GLCCI1: variants seen among roughly 807,000 people sequenced by gnomAD.
GLCCI1 encodes the protein glucocorticoid induced 1.
In GLCCI1, 24 loss-of-function variants were observed where a neutral mutation model predicts 52.2. The observed-to-expected ratio is 0.46, with a 90% CI of 0.33 to 0.65. GLCCI1 has a LOEUF of 0.65. Among genes scored for constraint, GLCCI1 ranks in the 30% least tolerant of loss-of-function variants. GLCCI1 has a pLI of 0.02. For missense variants in GLCCI1, 704 were observed against 701.5 expected (o/e 1.00, Z -0.04); for synonymous variants, 310 against 276.5 (o/e 1.12, Z -1.20).
intron 3 of GLCCI1, among the ~76,000 whole-genome samples, chr7:8,049,173 G>A (rs970815982): frequency 6.6e-6 from 1 of 152,004 alleles, no homozygotes; most frequent in Non-Finnish European, 1.5e-5. Flanking sequence ...AATGATTAGG[G>A]ATGTTTCTTG....
At chr7:7,984,202 A>G (rs1488606638) in intron 1 of GLCCI1, among the ~76,000 whole-genome samples, 1 of 152,090 alleles carries the variant, frequency 6.6e-6, no homozygotes, top group Non-Finnish European at 1.5e-5. Flanking sequence ...CCAGGACCAC[A>G]GGCATGTGCC....
At chr7:8,010,421 C>G (rs1020542097) in intron 2 of GLCCI1, among the ~76,000 whole-genome samples, 6 of 152,122 alleles carry the variant, frequency 3.9e-5, no homozygotes, top group African/African-American at 1.4e-4. Context: ...ATCGAATTTC[C>G]ACTTTAGGAA....
intron 6 of GLCCI1, among the ~76,000 whole-genome samples, chr7:8,082,109 A>T (rs915844376): frequency 6.6e-6 from 1 of 152,204 alleles, no homozygotes; most frequent in Non-Finnish European, 1.5e-5. Flanking sequence ...GAATCTCCTG[A>T]GCAGGCATAT....
At chr7:8,011,322 G>C (rs1270028700) in intron 2 of GLCCI1, among the ~76,000 whole-genome samples, 1 of 152,058 alleles carries the variant, frequency 6.6e-6, no homozygotes, top group East Asian at 1.9e-4. Flanking sequence ...CCACACGCCA[G>C]CCTCTGGTAG....
At position 8,064,883 on chromosome 7, in the gene GLCCI1, T is replaced by G. The variant is rs150046958; in HGVS notation, c.966+4635T>G. ...CCACCATGCCCAGCGAATTTTTTGG[T>G]TTTTTTTGTATTTTAGTAGAGACGG... is the stretch of plus-strand genomic sequence containing the variant. On this transcript the variant is annotated intron_variant, in intron 5 of 7. Transcript: ENST00000223145. Among the ~76,000 whole-genome samples the G allele has an allele frequency of 5.3e-3, 798 of 151,704 alleles. 6 individuals carry two copies. The highest frequency in any genetic ancestry group is 9.9e-3 in the Non-Finnish European group (675 of 67,860).
chr7:7,976,575 G>A (rs148809403), intron 1 of GLCCI1, among the ~76,000 whole-genome samples: 29 of 150,874 alleles, frequency 1.9e-4, no homozygotes, highest in African/African-American at 7.1e-4. Flanking sequence ...ACGGTTGTGT[G>A]GCAAGGTCAG....
rs112456422 is a variant in GLCCI1 at position 8,021,079 on chromosome 7, A to G, written c.610-1404A>G. Among the ~76,000 whole-genome samples the G allele has an allele frequency of 2.6e-4, 40 of 152,270 alleles. 1 individual carries two copies. Among genetic ancestry groups the G allele is most frequent in the African/African-American group, 5.8e-4 (24 of 41,576 alleles). ...TACTAGTGAACTGCTCAAGCAGTTTATTTTTGTGTTTATTCAGCTAGCATT... is the reference window on the plus strand; with the variant it reads ...TACTAGTGAACTGCTCAAGCAGTTTGTTTTTGTGTTTATTCAGCTAGCATT... On this transcript the variant is annotated intron_variant, in intron 2 of 7. Coordinates refer to ENST00000223145, the MANE Select transcript of GLCCI1 (RefSeq NM_138426.4).
At chr7:8,037,672 G>A (rs1214346839) in intron 3 of GLCCI1, among the ~76,000 whole-genome samples, 3 of 152,040 alleles carry the variant, frequency 2.0e-5, no homozygotes, top group East Asian at 3.8e-4. Context: ...CTAAAGACAC[G>A]TAAAGACTCA....
intron 3 of GLCCI1, among the ~76,000 whole-genome samples, chr7:8,031,596 C>T (rs1781749987): frequency 1.3e-5 from 2 of 152,014 alleles, no homozygotes; most frequent in African/African-American, 2.4e-5. Flanking sequence ...GGGATAGATA[C>T]CCAGTTTACT....
chr7:8,016,999 A>G (rs1204441564), intron 2 of GLCCI1, among the ~76,000 whole-genome samples: 2 of 152,230 alleles, frequency 1.3e-5, no homozygotes, highest in Non-Finnish European at 2.9e-5. Context: ...TGTGAAATTC[A>G]ATAAACAATT....
In GLCCI1 at chr7:8,022,894, A is replaced by ACT. The variant is rs1350782975; in HGVS notation, c.696+330_696+331dup. Among the ~76,000 whole-genome samples the ACT allele has an allele frequency of 2.6e-5, 4 of 152,044 alleles. No individual in the cohort carries two copies. In the South Asian group the frequency reaches 8.3e-4, roughly 32 times the overall value. On this transcript the variant is annotated intron_variant, in intron 3 of 7. Coordinates refer to ENST00000223145, the MANE Select transcript of GLCCI1 (RefSeq NM_138426.4). ...AGAGTGAAGTCTAATTTTATGTAAT[A>ACT]CTCTCTATCTTGTTCATTTTAGTTA...
At chr7:8,023,585 A>ATTTTTTTTTTTTTTTTT (rs1268659559) in intron 3 of GLCCI1, among the ~76,000 whole-genome samples, 4 of 39,780 alleles carry the variant, frequency 1.0e-4, no homozygotes, top group African/African-American at 2.2e-4. Flanking sequence ...AATCTCTGTT[A>ATTTTTTTTTTTTTTTTT]TTCTTTTTTT....
intron 5 of GLCCI1, 24 bp downstream of exon 5, chr7:8,060,272 AT>A: frequency 6.3e-7 from 1 of 1,585,896 alleles, no homozygotes; most frequent in Non-Finnish European, 8.6e-7. Context: ...GGATATTTGA[AT>A]CCTTTTTTTC....
intron 1 of GLCCI1, among the ~76,000 whole-genome samples, chr7:7,992,107 TTCTC>T (rs60234956): frequency 0.052 from 7,298 of 141,328 alleles, 508 homozygotes; most frequent in African/African-American, 0.15. Context: ...TTCTGTCTGT[TTCTC>T]TCTCTCTCTC....
intron 1 of GLCCI1, among the ~76,000 whole-genome samples, chr7:8,001,630 G>A (rs542835740): frequency 6.6e-4 from 100 of 152,300 alleles, no homozygotes; most frequent in Middle Eastern, 6.8e-3. Context: ...TATAAATCAT[G>A]CTACTATAAA....
At chr7:8,049,670 G>A (rs567756655) in intron 3 of GLCCI1, among the ~76,000 whole-genome samples, 184 of 152,082 alleles carry the variant, frequency 1.2e-3, no homozygotes, top group African/African-American at 4.3e-3. Flanking sequence ...TCAGTTTCAC[G>A]GCTTGTAATA....
At chr7:8,065,672 G>A (rs945058261) in intron 5 of GLCCI1, among the ~76,000 whole-genome samples, 9 of 152,076 alleles carry the variant, frequency 5.9e-5, no homozygotes, top group Admixed American at 1.3e-4. Flanking sequence ...TGTGGTTTCC[G>A]TTTTTAGTTC....
chr7:8,024,333 C>CA (rs1007230310), intron 3 of GLCCI1, among the ~76,000 whole-genome samples: 6 of 151,690 alleles, frequency 4.0e-5, no homozygotes, highest in East Asian at 3.9e-4. Context: ...TACATGTATG[C>CA]AAAAAAAATC....
chr7:7,990,757 C>T (rs373325207), intron 1 of GLCCI1, among the ~76,000 whole-genome samples: 1 of 152,090 alleles, frequency 6.6e-6, no homozygotes, highest in East Asian at 1.9e-4. Context: ...TGCTTTACAG[C>T]TACATATTTG....
Sources: gnomAD v4.1 joint callset for allele counts (sites outside exome capture counted in the v4.1 genomes callset) on GRCh38, gnomAD v4.1.1 for gene constraint, MANE v1.5 for transcripts, NCBI Gene and HGNC (gene_info 2026-07-23, HGNC 2026-07-21) for gene names.